Variants in SGK1 observed in about 807,000 individuals in gnomAD.
The protein encoded by SGK1 is serum/glucocorticoid regulated kinase 1.
In SGK1, 26 loss-of-function variants were observed where a neutral mutation model predicts 64.2. The ratio of observed to expected loss-of-function variants is 0.40; its 90% CI spans 0.30 to 0.56. The LOEUF is 0.56. Among genes scored for constraint, SGK1 ranks in the 20% least tolerant of loss-of-function variants. The pLI is 0.38. For missense variants in SGK1, 519 were observed against 645.6 expected (o/e 0.80, Z 2.12); for synonymous variants, 265 against 239.7 (o/e 1.11, Z -0.98).
intron 4 of SGK1, 160 bp from the exon 5 acceptor site, chr6:134,174,240 C>T: frequency 3.3e-6 from 2 of 610,816 alleles, no homozygotes; most frequent in Non-Finnish European, 5.8e-6. Flanking sequence ...AATAATAAAC[C>T]CCATTAAATA....
chr6:134,238,617 T>A (rs1298963226), intron 2 of SGK1, among the ~76,000 whole-genome samples: 1 of 151,938 alleles, frequency 6.6e-6, no homozygotes, highest in Non-Finnish European at 1.5e-5. Context: ...CTTTCATGCA[T>A]CAAAAGATGG....
chr6:134,290,449 A>G (rs145501337), intron 1 of SGK1, among the ~76,000 whole-genome samples: 8 of 152,112 alleles, frequency 5.3e-5, no homozygotes, highest in African/African-American at 1.9e-4. Context: ...AACAAAGACA[A>G]ATGACAGCAA....
At chr6:134,316,518 C>T (rs146086804) in intron 1 of SGK1, among the ~76,000 whole-genome samples, 382 of 152,002 alleles carry the variant, frequency 2.5e-3, no homozygotes, top group Non-Finnish European at 4.2e-3. Flanking sequence ...TCTTACCTCC[C>T]GCTTGTGTAT....
intron 2 of SGK1, among the ~76,000 whole-genome samples, chr6:134,208,068 C>T (rs371376625): frequency 2.0e-4 from 30 of 152,162 alleles, no homozygotes; most frequent in South Asian, 1.4e-3. Context: ...TGTGCCACCA[C>T]GCCTGGCTAA....
intron 3 of SGK1, among the ~76,000 whole-genome samples, chr6:134,205,681 T>C (rs1241642378): frequency 2.6e-5 from 4 of 152,232 alleles, no homozygotes; most frequent in African/African-American, 7.2e-5. Flanking sequence ...CTATTCAGCT[T>C]ATTATTTCAT....
intron 2 of SGK1, among the ~76,000 whole-genome samples, chr6:134,213,347 C>A (rs1319372024): frequency 4.0e-5 from 6 of 151,832 alleles, no homozygotes; most frequent in Non-Finnish European, 7.4e-5. Flanking sequence ...CATGGTGAAA[C>A]CCTGTCTCTC....
chr6:134,169,635 G>A lies in SGK1; in HGVS notation c.*633C>T, dbSNP rs865786709. 26 of 152,550 alleles carry A rather than the reference G, an allele frequency of 1.7e-4. No homozygotes were observed. Among genetic ancestry groups the A allele is most frequent in the Admixed American group, 7.2e-4 (11 of 15,266 alleles). The allele number at this position is 152,550 out of a possible 1,614,324, so 9.4% of individuals were successfully genotyped here. On this transcript the variant is annotated 3_prime_UTR_variant, in exon 14 of 14. Coordinates refer to ENST00000367858, the MANE Select transcript of SGK1 (RefSeq NM_001143676.3). ...ATGCTTTCTTTAAGCATCTGAATAC[G>A]AGTCATTGCAAGACCATTTCAATAA...
intron 2 of SGK1, among the ~76,000 whole-genome samples, chr6:134,246,933 C>A (rs545485134): frequency 2.0e-5 from 3 of 152,060 alleles, no homozygotes; most frequent in Non-Finnish European, 4.4e-5. Flanking sequence ...ACACAGCTGG[C>A]AAATGTCAAA....
chr6:134,309,952 A>G (rs1198234828), intron 1 of SGK1, among the ~76,000 whole-genome samples: 1 of 152,230 alleles, frequency 6.6e-6, no homozygotes, highest in Non-Finnish European at 1.5e-5. Context: ...CTAGCGAACT[A>G]TCTTTAGCTT....
chr6:134,261,662 G>T (rs775648200), intron 2 of SGK1: 11 of 588,222 alleles, frequency 1.9e-5, no homozygotes, highest in Non-Finnish European at 3.0e-5. Flanking sequence ...TGGCAAAGTA[G>T]GTTATACGTG....
intron 2 of SGK1, among the ~76,000 whole-genome samples, chr6:134,239,079 A>G (rs1776406424): frequency 6.6e-6 from 1 of 152,244 alleles, no homozygotes; most frequent in African/African-American, 2.4e-5. Context: ...CATACTTGGC[A>G]AGAAGAGAGC....
At position 134,317,641 on chromosome 6, in the gene SGK1, C is replaced by T. The variant is rs1011132083; in HGVS notation, c.-181G>A. ...AGCACCAGCTACTGCAGCAACCTCT[C>T]CCCACTTTCAGTTGCCACCGACAGC... On this transcript the variant is annotated 5_prime_UTR_variant, in exon 1 of 14. Coordinates refer to ENST00000367858, the MANE Select transcript of SGK1 (RefSeq NM_001143676.3). 8.2e-6 allele frequency: 5 copies of T among 610,772 alleles called. No individual in the cohort carries two copies. Among genetic ancestry groups the T allele is most frequent in the African/African-American group, 7.4e-5 (4 of 54,136 alleles). The allele number at this position is 610,772 out of a possible 1,614,324, so 37.8% of individuals were successfully genotyped here. A position where few individuals can be genotyped will look rare whatever the true frequency, so the allele number is the denominator to read the frequency against.
chr6:134,277,035 T>C (rs1777028164), intron 1 of SGK1, among the ~76,000 whole-genome samples: 1 of 150,292 alleles, frequency 6.7e-6, no homozygotes, highest in Non-Finnish European at 1.5e-5. Context: ...GGCAAGAGAC[T>C]CTTGTCTCAA....
At chr6:134,273,322 T>C (rs1340106823) in intron 1 of SGK1, among the ~76,000 whole-genome samples, 1 of 146,674 alleles carries the variant, frequency 6.8e-6, no homozygotes, top group African/African-American at 2.4e-5. Context: ...ATGGTTAAGT[T>C]GAATCTTAAA....
intron 1 of SGK1, chr6:134,297,816 G>A (rs930353088): frequency 2.3e-5 from 15 of 665,444 alleles, no homozygotes; most frequent in Non-Finnish European, 3.6e-5. Flanking sequence ...CTCAGTCTTT[G>A]TATGCTGCAG....
chr6:134,186,164 C>T (rs960575782), intron 3 of SGK1, among the ~76,000 whole-genome samples: 1 of 152,216 alleles, frequency 6.6e-6, no homozygotes, highest in Non-Finnish European at 1.5e-5. Flanking sequence ...AGCCATTACA[C>T]ATCTCTTTGT....
chr6:134,177,853 T>A, intron 3 of SGK1: 30 of 1,594,844 alleles, frequency 1.9e-5, no homozygotes, highest in Non-Finnish European at 2.6e-5. Flanking sequence ...GCTATCCCTG[T>A]TCTGTTATGA....
chr6:134,201,975 G>A (rs1028256982), intron 3 of SGK1, among the ~76,000 whole-genome samples: 1 of 151,944 alleles, frequency 6.6e-6, no homozygotes, highest in African/African-American at 2.4e-5. Context: ...TAGCGAACTA[G>A]AAGAATATTT....
At position 134,173,571 on chromosome 6, in the gene SGK1, A is replaced by G. The variant is rs991414937; in HGVS notation, c.514-5T>C. 5.2e-6 allele frequency: 3 copies of G among 574,042 alleles called. No individual in the cohort carries two copies. Among genetic ancestry groups the G allele is most frequent in the Non-Finnish European group, 7.4e-6 (3 of 407,178 alleles). 35.6% of individuals were successfully genotyped at this position (574,042 alleles called of 1,614,324 possible). ...GATTTGCTGAGAAGGACTTGGCTAG[A>G]AAAAAAAAAAAAGAATTTCTTTTAA... On this transcript the variant is annotated splice_polypyrimidine_tract_variant and splice_region_variant and intron_variant, in intron 5 of 13. Transcript: ENST00000367858.
Sources: gnomAD v4.1 joint callset for allele counts (sites outside exome capture counted in the v4.1 genomes callset) on GRCh38, gnomAD v4.1.1 for gene constraint, MANE v1.5 for transcripts, NCBI Gene and HGNC (gene_info 2026-07-23, HGNC 2026-07-21) for gene names.